PAFAH1B1: variants seen among roughly 807,000 people sequenced by gnomAD.
PAFAH1B1 encodes platelet activating factor acetylhydrolase 1b regulatory subunit 1.
Under a neutral mutation model 57.5 loss-of-function variants are expected in PAFAH1B1, and 2 were observed. The ratio of observed to expected loss-of-function variants is 0.03; its 90% confidence interval spans 0.01 to 0.11. The LOEUF (loss-of-function observed/expected upper bound fraction) is 0.11, where lower values mean the gene tolerates loss of function less well. Among genes scored for constraint, PAFAH1B1 ranks in the 10% least tolerant of loss-of-function variants. The pLI, the probability that PAFAH1B1 is intolerant of heterozygous loss-of-function variation, is 1.00. For synonymous variants in PAFAH1B1, 152 were observed against 169.6 expected (o/e 0.90, Z 0.81); for missense variants, 257 against 512.0 (o/e 0.50, Z 4.81).
At chr17:2,609,636 C>G (rs577632311) in intron 1 of PAFAH1B1, 2 of 151,936 alleles carry the variant, frequency 1.3e-5, no homozygotes. Context: ...CTCAGCCTCC[C>G]GAGTAGCTGG....
chr17:2,678,822 C>T (rs764822241), intron 9 of PAFAH1B1, among the ~76,000 whole-genome samples: 5 of 151,702 alleles, frequency 3.3e-5, no homozygotes, highest in Non-Finnish European at 5.9e-5. Context: ...GAATTTGAGG[C>T]TTTAGTGAGC....
intron 1 of PAFAH1B1, among the ~76,000 whole-genome samples, chr17:2,621,886 T>C (rs987723513): frequency 6.6e-6 from 1 of 152,186 alleles, no homozygotes; most frequent in African/African-American, 2.4e-5. Context: ...AGAGGTTTAA[T>C]TGGACTTACA....
intron 5 of PAFAH1B1, among the ~76,000 whole-genome samples, chr17:2,668,962 G>A (rs566332255): frequency 6.6e-6 from 1 of 152,204 alleles, no homozygotes; most frequent in East Asian, 1.9e-4. Flanking sequence ...GGCGACAAGA[G>A]TGAGACACAC....
chr17:2,674,016 TG>T lies in PAFAH1B1; in HGVS notation c.672-43del, dbSNP rs1212121271. 9 of 1,386,326 alleles carry T rather than the reference TG, an allele frequency of 6.5e-6. No individual in the cohort carries two copies. The African/African-American group carries it at 1.3e-4, about 20-fold the overall frequency. The allele number at this position is 1,386,326 out of a possible 1,614,324, so 85.9% of individuals were successfully genotyped here. A position where few individuals can be genotyped will look rare whatever the true frequency, so the allele number is the denominator to read the frequency against. Reference sequence around the variant, plus strand: ...TTTATATCACTTCTGGGAAGTGTCCTGATGATTGTCATTCACAGTGTAAGTT... The same window carrying T: ...TTTATATCACTTCTGGGAAGTGTCCTATGATTGTCATTCACAGTGTAAGTT... On this transcript the variant is annotated intron_variant, in intron 7 of 10. Coordinates refer to ENST00000397195, the MANE Select transcript of PAFAH1B1 (RefSeq NM_000430.4).
At chr17:2,611,155 A>G (rs1333781027) in intron 1 of PAFAH1B1, among the ~76,000 whole-genome samples, 1 of 152,148 alleles carries the variant, frequency 6.6e-6, no homozygotes, top group Non-Finnish European at 1.5e-5. Flanking sequence ...AGAATATCCA[A>G]AAGTGGTAAA....
At chr17:2,611,244 C>T (rs930948503) in intron 1 of PAFAH1B1, among the ~76,000 whole-genome samples, 1 of 151,858 alleles carries the variant, frequency 6.6e-6, no homozygotes, top group East Asian at 1.9e-4. Flanking sequence ...CTGAGGCAGG[C>T]GGATCATGAG....
At chr17:2,622,059 G>A (rs1166483481) in intron 1 of PAFAH1B1, among the ~76,000 whole-genome samples, 5 of 152,150 alleles carry the variant, frequency 3.3e-5, no homozygotes, top group Non-Finnish European at 4.4e-5. Context: ...GCATGGGAAA[G>A]ACCAGCCTCC....
At chr17:2,664,531 G>T (rs548054545) in intron 2 of PAFAH1B1, among the ~76,000 whole-genome samples, 1 of 151,650 alleles carries the variant, frequency 6.6e-6, no homozygotes, top group South Asian at 2.1e-4. Context: ...TTGGCCTCCC[G>T]AGTAGCTGGG....
intron 1 of PAFAH1B1, among the ~76,000 whole-genome samples, chr17:2,597,265 G>A (rs1055509400): frequency 1.6e-4 from 25 of 151,892 alleles, no homozygotes; most frequent in Non-Finnish European, 2.8e-4. Context: ...TAATGAGATT[G>A]GAAGGAATTT....
intron 2 of PAFAH1B1, among the ~76,000 whole-genome samples, chr17:2,655,778 C>G (rs1329394221): frequency 6.7e-6 from 1 of 149,782 alleles, no homozygotes; most frequent in Non-Finnish European, 1.5e-5. Context: ...ATTACCCGAC[C>G]GATGTGAAAA....
rs992962881 is a variant in PAFAH1B1, at chr17:2,636,456, CGTTT to C, written c.-190-1634_-190-1631del. Among the ~76,000 whole-genome samples the C allele has an allele frequency of 3.3e-5, 5 of 152,220 alleles. No homozygotes were observed. In the East Asian group the frequency reaches 7.7e-4, roughly 23 times the overall value. On this transcript the variant is annotated intron_variant, in intron 1 of 10. Transcript: ENST00000397195. ...TCACTCAGGGCTCATGTTCGTTTTT[CGTTT>C]GTTTGTTTTTGAGACGGACTCTTCC...
intron 1 of PAFAH1B1, among the ~76,000 whole-genome samples, chr17:2,625,125 C>G (rs533200340): frequency 5.3e-5 from 8 of 151,630 alleles, no homozygotes; most frequent in Non-Finnish European, 8.8e-5. Context: ...ATAGCAGATA[C>G]GTGGATATAG....
rs374424804 is a variant in PAFAH1B1, at chr17:2,619,756, T to G, written c.-190-18343T>G. On this transcript the variant is annotated intron_variant, in intron 1 of 10. Coordinates refer to ENST00000397195, the MANE Select transcript of PAFAH1B1 (RefSeq NM_000430.4). ...GGAAACTCAGGCTTAATGAGGAAACTGGGGTTTAGGGAGACTTTGTGAACA... is the reference window on the plus strand; with the variant it reads ...GGAAACTCAGGCTTAATGAGGAAACGGGGGTTTAGGGAGACTTTGTGAACA... Among the ~76,000 whole-genome samples the G allele has an allele frequency of 6.6e-5, 10 of 152,174 alleles. No individual in the cohort carries two copies. In the East Asian group the frequency reaches 1.9e-3, roughly 29 times the overall value.
intron 9 of PAFAH1B1, among the ~76,000 whole-genome samples, chr17:2,679,485 G>A (rs541366861): frequency 1.4e-4 from 21 of 145,090 alleles, no homozygotes; most frequent in South Asian, 2.3e-4. Flanking sequence ...TGATTGGATG[G>A]ATGGATGGAT....
chr17:2,679,470 ATGGATGATTGGATGGATGGAT>A (rs2069333279), intron 9 of PAFAH1B1, among the ~76,000 whole-genome samples: 1 of 4,508 alleles, frequency 2.2e-4, no homozygotes, highest in Middle Eastern at 0.071. Flanking sequence ...GGATGGATGG[ATGGATGATTGGATGGATGGAT>A]GGATGGATGA....
intron 1 of PAFAH1B1, among the ~76,000 whole-genome samples, chr17:2,616,011 GGAAA>G (rs2068336056): frequency 6.6e-6 from 1 of 152,120 alleles, no homozygotes; most frequent in Admixed American, 6.6e-5. Flanking sequence ...AAAACTTAGT[GGAAA>G]GAAAGCAACG....
chr17:2,613,617 C>T (rs1268665568), intron 1 of PAFAH1B1: 12 of 289,746 alleles, frequency 4.1e-5, no homozygotes, highest in Non-Finnish European at 6.9e-5. Context: ...GTCTCCCCTT[C>T]GATCCCCTGC....
intron 1 of PAFAH1B1, among the ~76,000 whole-genome samples, chr17:2,606,141 G>A (rs1401826242): frequency 6.6e-6 from 1 of 152,138 alleles, no homozygotes; most frequent in Non-Finnish European, 1.5e-5. Flanking sequence ...GGGTAAATAG[G>A]CTTAGGAAAT....
intron 3 of PAFAH1B1, 57 bp from the exon 4 acceptor site, chr17:2,665,959 T>TG: frequency 7.4e-7 from 1 of 1,354,130 alleles, no homozygotes. Flanking sequence ...GAATGATCTT[T>TG]GTCTTGAGGA....
Sources: gnomAD v4.1 joint callset for allele counts (sites outside exome capture counted in the v4.1 genomes callset) on GRCh38, gnomAD v4.1.1 for gene constraint, MANE v1.5 for transcripts, NCBI Gene and HGNC (gene_info 2026-07-23, HGNC 2026-07-21) for gene names.